NXPH1: variants seen among roughly 807,000 people sequenced by gnomAD.
The protein encoded by NXPH1 is neurexophilin-1.
NXPH1 carries 5 observed loss-of-function variants against 23.7 expected under a neutral mutation model. That is an observed-to-expected ratio of 0.21 (90% CI 0.11 to 0.44). The LOEUF is 0.44. Among genes scored for constraint, NXPH1 ranks in the 20% least tolerant of loss-of-function variants. NXPH1 has a pLI of 0.99. For missense variants in NXPH1, 324 were observed against 321.6 expected (o/e 1.01, Z -0.06); for synonymous variants, 144 against 122.2 (o/e 1.18, Z -1.18).
At chr7:8,604,973 A>G (rs1216545615) in intron 2 of NXPH1, among the ~76,000 whole-genome samples, 1 of 152,134 alleles carries the variant, frequency 6.6e-6, no homozygotes, top group East Asian at 1.9e-4. Flanking sequence ...CCACCATTTT[A>G]GATTGATTCT....
At chr7:8,581,567 C>G (rs143034637) in intron 2 of NXPH1, among the ~76,000 whole-genome samples, 183 of 152,318 alleles carry the variant, frequency 1.2e-3, no homozygotes, top group Middle Eastern at 3.4e-3. Context: ...GGCCCCTCCT[C>G]CAACATCAGG....
At chr7:8,682,780 G>A (rs1294570937) in intron 2 of NXPH1, among the ~76,000 whole-genome samples, 1 of 152,186 alleles carries the variant, frequency 6.6e-6, no homozygotes, top group South Asian at 2.1e-4. Context: ...CTTCAGAAAT[G>A]CAGTACAAGA....
chr7:8,749,950 G>A (rs1212111276), intron 2 of NXPH1, among the ~76,000 whole-genome samples: 1 of 152,076 alleles, frequency 6.6e-6, no homozygotes, highest in Non-Finnish European at 1.5e-5. Flanking sequence ...TGTGCAGTTC[G>A]AAATACAATT....
chr7:8,541,856 A>G (rs1290031578), intron 2 of NXPH1, among the ~76,000 whole-genome samples: 1 of 151,688 alleles, frequency 6.6e-6, no homozygotes, highest in African/African-American at 2.4e-5. Context: ...TAACTAAAAT[A>G]ACAAAACTAA....
rs6463833 is a variant in NXPH1 at position 8,684,958 on chromosome 7, T to G, written c.55-66050T>G. Among the ~76,000 whole-genome samples the G allele has an allele frequency of 6.0e-4, 91 of 152,260 alleles. 2 individuals are homozygous for G. Among genetic ancestry groups the G allele is most frequent in the African/African-American group, 2.1e-3 (87 of 41,564 alleles). The stretch of plus-strand genomic sequence containing the variant: ...TTTAAAAGGCTCAAATTCGCCATGT[T>G]GCACTGTATAACTACATTAGGTGTG... On this transcript the variant is annotated intron_variant, in intron 2 of 2. Transcript: ENST00000405863.
chr7:8,742,963 G>A (rs984899760), intron 2 of NXPH1, among the ~76,000 whole-genome samples: 5 of 146,176 alleles, frequency 3.4e-5, no homozygotes, highest in Admixed American at 2.0e-4. Context: ...GAGTGTGTGC[G>A]TGTGTGCGTG....
chr7:8,738,163 G>C (rs1237126812), intron 2 of NXPH1, among the ~76,000 whole-genome samples: 1 of 152,148 alleles, frequency 6.6e-6, no homozygotes. Flanking sequence ...TCTCCGTCCA[G>C]TTTTGTTCCC....
chr7:8,611,617 G>T (rs1292677243), intron 2 of NXPH1, among the ~76,000 whole-genome samples: 4 of 152,118 alleles, frequency 2.6e-5, no homozygotes, highest in Non-Finnish European at 5.9e-5. Flanking sequence ...AATAGGGAAA[G>T]AAAAATTTTA....
intron 2 of NXPH1, among the ~76,000 whole-genome samples, chr7:8,658,329 C>T (rs1432275901): frequency 2.0e-5 from 3 of 152,272 alleles, no homozygotes; most frequent in Non-Finnish European, 2.9e-5. Context: ...ATGTTAAGTG[C>T]TCAACGAGTG....
intron 2 of NXPH1, among the ~76,000 whole-genome samples, chr7:8,460,576 G>T (rs1300428894): frequency 6.6e-6 from 1 of 152,166 alleles, no homozygotes; most frequent in Non-Finnish European, 1.5e-5. Context: ...CAATGAGAAG[G>T]CTATCTTTTA....
At chr7:8,750,806 G>T (rs1780550253) in intron 2 of NXPH1, among the ~76,000 whole-genome samples, 1 of 152,050 alleles carries the variant, frequency 6.6e-6, no homozygotes, top group African/African-American at 2.4e-5. Context: ...TGCTGATGGT[G>T]CTTTTAAAAC....
chr7:8,661,765 T>G (rs1820678544), intron 2 of NXPH1, among the ~76,000 whole-genome samples: 1 of 152,168 alleles, frequency 6.6e-6, no homozygotes, highest in Non-Finnish European at 1.5e-5. Flanking sequence ...AAGGTAGTAC[T>G]CAGTTTTTAA....
intron 2 of NXPH1, among the ~76,000 whole-genome samples, chr7:8,503,276 T>C (rs749366368): frequency 1.3e-5 from 2 of 151,984 alleles, no homozygotes; most frequent in Non-Finnish European, 2.9e-5. Flanking sequence ...GTGAAACAAC[T>C]TGCACAAGGA....
intron 2 of NXPH1, among the ~76,000 whole-genome samples, chr7:8,539,352 A>G (rs1392523887): frequency 1.3e-5 from 2 of 151,846 alleles, no homozygotes; most frequent in Non-Finnish European, 2.9e-5. Context: ...ATGGGGAGTT[A>G]GAGGTTTGTT....
chr7:8,586,408 A>T (rs1218050319), intron 2 of NXPH1, among the ~76,000 whole-genome samples: 1 of 152,054 alleles, frequency 6.6e-6, no homozygotes, highest in African/African-American at 2.4e-5. Context: ...TGTCATATGA[A>T]CCAGTGCCAA....
chr7:8,635,646 G>A (rs992701558), intron 2 of NXPH1, among the ~76,000 whole-genome samples: 1 of 152,078 alleles, frequency 6.6e-6, no homozygotes, highest in East Asian at 1.9e-4. Flanking sequence ...TGATGACACC[G>A]GGTCTAAAAG....
At chr7:8,558,105 G>A (rs1175915560) in intron 2 of NXPH1, among the ~76,000 whole-genome samples, 4 of 151,682 alleles carry the variant, frequency 2.6e-5, no homozygotes, top group Non-Finnish European at 5.9e-5. Context: ...ATCAGAGAGA[G>A]ATTTCTATGA....
intron 2 of NXPH1, among the ~76,000 whole-genome samples, chr7:8,562,957 A>G (rs1315557720): frequency 6.6e-6 from 1 of 151,760 alleles, no homozygotes; most frequent in Non-Finnish European, 1.5e-5. Flanking sequence ...GTAAAAATAA[A>G]TATGGCTCTA....
intron 2 of NXPH1, among the ~76,000 whole-genome samples, chr7:8,502,240 A>G (rs535847960): frequency 6.6e-6 from 1 of 152,124 alleles, no homozygotes; most frequent in East Asian, 1.9e-4. Flanking sequence ...GAAATTTTAG[A>G]TTTTATTGTA....
Sources: allele counts gnomAD v4.1 joint callset (sites outside exome capture counted in the v4.1 genomes callset), GRCh38; gene constraint gnomAD v4.1.1; transcripts MANE v1.5; gene names NCBI Gene and HGNC (gene_info 2026-07-23, HGNC 2026-07-21).